Variants in THAP9 observed in about 807,000 individuals in gnomAD.
THAP9 encodes the protein THAP domain containing 9, also known as DNA transposase THAP9.
Under a neutral mutation model 35.7 loss-of-function variants are expected in THAP9, and 20 were observed. The ratio of observed to expected loss-of-function variants is 0.56; its 90% CI spans 0.39 to 0.81. THAP9 has a LOEUF of 0.81. THAP9 is among the 40% of genes least tolerant of loss of function. The pLI is 0.00. For missense variants in THAP9, 870 were observed against 1,047.4 expected, an observed-to-expected ratio of 0.83 and a Z score of 2.34; for synonymous variants, 335 against 373.7, an observed-to-expected ratio of 0.90 and a Z score of 1.19.
rs1202305486 is a variant in THAP9, at chr4:82,917,357, T to C, written c.1145T>C (p.Met382Thr). 1 of 1,613,466 alleles carries C rather than the reference T, an allele frequency of 6.2e-7. No homozygotes were observed. Among genetic ancestry groups the C allele is most frequent in the East Asian group, 2.2e-5 (1 of 44,868 alleles). The stretch of plus-strand genomic sequence containing the variant: ...GATGCCACAGCACATAGTGTTCAGA[T>C]GGCAAAAGCATTGGGGATACATATT... ...TSDATAHSVQMAKALGIHIDG... is the reference protein window; with the variant it reads ...TSDATAHSVQTAKALGIHIDG... The change falls in exon 5 of 5, where the codon ATG becomes ACG. Residue 382 changes from methionine to threonine, a missense_variant. Physicochemically the swap from Met to Thr is moderately conservative, Grantham distance 81. Around this residue, in one of 3 missense-constraint regions of THAP9, gnomAD observed 440 missense variants for 501.2 expected, o/e 0.88. Transcript: ENST00000302236.
chr4:82,905,401 C>T (rs1415437773), intron 2 of THAP9, among the ~76,000 whole-genome samples: 1 of 152,128 alleles, frequency 6.6e-6, no homozygotes, highest in African/African-American at 2.4e-5. Flanking sequence ...TGATATTCTT[C>T]TGTTTCCTAT....
Position 82,917,170 on chromosome 4 carries a change from G to A in THAP9, c.958G>A (p.Glu320Lys). 1 of 1,613,822 alleles carries A rather than the reference G, an allele frequency of 6.2e-7. No individual in the cohort carries two copies. Among genetic ancestry groups the A allele is most frequent in the South Asian group, 1.1e-5 (1 of 91,042 alleles). ...LDADETPLAS[E>K]TVLLMAVGIF... is the part of the protein sequence containing the mutation. Reference sequence around the variant, plus strand: ...TGCTGATGAAACGCCACTTGCTTCAGAAACTGTTTTGTTAATGGCAGTGGG... The same window carrying A: ...TGCTGATGAAACGCCACTTGCTTCAAAAACTGTTTTGTTAATGGCAGTGGG... Residue 320 changes from glutamate to lysine, a missense_variant, in exon 5 of 5, where the codon GAA becomes AAA. This residue lies in a region of THAP9 where 440 missense variants were observed against 501.2 expected (regional missense o/e 0.88). Transcript: ENST00000302236.
intron 2 of THAP9, chr4:82,905,838 G>GTTT (rs1168714330): frequency 2.2e-6 from 1 of 455,648 alleles, no homozygotes; most frequent in Non-Finnish European, 4.4e-6. Flanking sequence ...AAAGAATCCT[G>GTTT]TATTATTATC....
rs1456147469 is a variant in THAP9, at chr4:82,919,087, CTT to C, written c.*166_*167del. 1 of 595,988 alleles carries C rather than the reference CTT, an allele frequency of 1.7e-6. No homozygotes were observed. Among genetic ancestry groups the C allele is most frequent in the Non-Finnish European group, 2.8e-6 (1 of 359,468 alleles). 36.9% of individuals were successfully genotyped at this position (595,988 alleles called of 1,614,324 possible). On this transcript the variant is annotated 3_prime_UTR_variant, in exon 5 of 5. Coordinates refer to ENST00000302236, the MANE Select transcript of THAP9 (RefSeq NM_024672.6). ...CTGCATATCACAAAATCTCCTTATA[CTT>C]TTGGTATGGCTTGCAGCATTTATGA... is the stretch of plus-strand genomic sequence containing the variant.
chr4:82,905,020 G>A, intron 2 of THAP9, 89 bp downstream of exon 2: 6 of 1,311,044 alleles, frequency 4.6e-6, no homozygotes, highest in African/African-American at 1.5e-5. Flanking sequence ...AGAATTTGCA[G>A]ACAAAAAAAC....
chr4:82,917,554 G>C lies in THAP9; in HGVS notation c.1342G>C (p.Val448Leu), dbSNP rs915743856. The C allele has an allele frequency of 1.1e-5, 17 of 1,613,992 alleles. No homozygotes were observed. The highest frequency in any genetic ancestry group is 1.4e-5 in the Non-Finnish European group (17 of 1,179,906). The change falls in exon 5 of 5, where the codon GTA becomes CTA. Residue 448 changes from valine to leucine, a missense_variant. This residue lies in a region of THAP9 where 16 missense variants were observed against 45.5 expected (regional missense o/e 0.35). Coordinates refer to ENST00000302236, the MANE Select transcript of THAP9 (RefSeq NM_024672.6). ...IAHWQHLVEL[V>L]ALEEQELSNM... ...ACATTGGCAGCACCTCGTGGAGTTA[G>C]TAGCACTGGAGGAACAGGAATTATC...
intron 3 of THAP9, 147 bp from the exon 4 acceptor site, chr4:82,907,638 A>C (rs1172523277): frequency 4.9e-6 from 3 of 614,494 alleles, no homozygotes; most frequent in Middle Eastern, 4.3e-4. Flanking sequence ...TCCTAAGTGG[A>C]TATTAACCTC....
At chr4:82,908,299 T>G (rs1720734967) in intron 4 of THAP9, among the ~76,000 whole-genome samples, 2 of 152,190 alleles carry the variant, frequency 1.3e-5, no homozygotes, top group South Asian at 4.1e-4. Context: ...CTAGTATACT[T>G]CAGTAGTTTA....
Position 82,917,174 on chromosome 4 carries a change from CTGTT to C in THAP9, c.964_967del (p.Val322CysfsTer2), listed in dbSNP as rs1560698848. The C allele has an allele frequency of 6.2e-7, 1 of 1,613,856 alleles. No homozygotes were observed. The highest frequency in any genetic ancestry group is 1.1e-5 in the South Asian group (1 of 91,044). ...GATGAAACGCCACTTGCTTCAGAAA[CTGTT>C]TTGTTAATGGCAGTGGGTATTTTTG... On this transcript the variant is annotated frameshift_variant, in exon 5 of 5. Transcript: ENST00000302236. LOFTEE classifies it low-confidence loss of function (END_TRUNC).
At position 82,919,536 on chromosome 4, in the gene THAP9, C is replaced by T. The variant is rs979147047; in HGVS notation, c.*612C>T. 5.9e-5 allele frequency: 9 copies of T among 152,240 alleles called. No individual in the cohort carries two copies. Among genetic ancestry groups the T allele is most frequent in the African/African-American group, 1.7e-4 (7 of 41,426 alleles). 9.4% of individuals were successfully genotyped at this position (152,240 alleles called of 1,614,324 possible). On this transcript the variant is annotated 3_prime_UTR_variant, in exon 5 of 5. Coordinates refer to ENST00000302236, the MANE Select transcript of THAP9 (RefSeq NM_024672.6). ...CATGAGATTCTTCCTTGTGCTGCAG[C>T]CACGCTGGGGAGTGCAATCTGGAAA...
chr4:82,903,867 A>C (rs1247687687), intron 1 of THAP9, among the ~76,000 whole-genome samples: 1 of 152,138 alleles, frequency 6.6e-6, no homozygotes, highest in Admixed American at 6.5e-5. Context: ...AGTTTTCTCC[A>C]CAGGACTGCT....
At chr4:82,916,191 C>G (rs113304884) in intron 4 of THAP9, among the ~76,000 whole-genome samples, 1 of 152,164 alleles carries the variant, frequency 6.6e-6, no homozygotes, top group Non-Finnish European at 1.5e-5. Flanking sequence ...TAGTTTTAGA[C>G]AGTTATTAAA....
At chr4:82,906,757 G>A in intron 3 of THAP9, 130 bp downstream of exon 3, 1 of 874,170 alleles carries the variant, frequency 1.1e-6, no homozygotes, top group Non-Finnish European at 1.6e-6. Flanking sequence ...AGTAGCTTAA[G>A]AAGAATGAAA....
intron 1 of THAP9, among the ~76,000 whole-genome samples, chr4:82,904,313 C>T (rs1720553741): frequency 6.6e-6 from 1 of 152,214 alleles, no homozygotes; most frequent in Admixed American, 6.5e-5. Context: ...CCTCCCGCCT[C>T]AGCCTCCCAA....
Position 82,915,732 on chromosome 4 carries a change from TATATACAAGTC to T in THAP9, c.732-1211_732-1201del, listed in dbSNP as rs200269062. Among the ~76,000 whole-genome samples, 13 of 152,318 alleles carry T rather than the reference TATATACAAGTC, an allele frequency of 8.5e-5. No homozygotes were observed. In the East Asian group the frequency reaches 2.5e-3, roughly 29 times the overall value. ...TTGTGCCAGTATACCAAAATCCATG[TATATACAAGTC>T]CTGTAGACAGTCCTGCAGAACCTGT... On this transcript the variant is annotated intron_variant, in intron 4 of 4. Transcript: ENST00000302236.
rs1175386607 is a variant in THAP9, at chr4:82,918,791, C to T, written c.2579C>T (p.Ser860Leu). Residue 860 changes from serine to leucine, a missense_variant, in exon 5 of 5, where the codon TCA (serine) becomes TTA (leucine). Ser to Leu is a moderately radical substitution (Grantham distance 145). Around this residue, in one of 3 missense-constraint regions of THAP9, gnomAD observed 414 missense variants for 500.8 expected, o/e 0.83. Coordinates refer to ENST00000302236, the MANE Select transcript of THAP9 (RefSeq NM_024672.6). ...GCACAGAATCCTTTAAAACATCATT[C>T]AGAGAGAACTGATATGAAAACTTTA... ...NVAQNPLKHH[S>L]ERTDMKTLSR... 1.2e-6 allele frequency: 2 copies of T among 1,613,604 alleles called. No homozygotes were observed. The highest frequency in any genetic ancestry group is 2.7e-5 in the African/African-American group (2 of 74,876).
Position 82,918,869 on chromosome 4 carries a change from A to G in THAP9, c.2657A>G (p.Asn886Ser). The change falls in exon 5 of 5, where the codon AAT (asparagine) becomes AGT (serine). Residue 886 changes from asparagine to serine, a missense_variant. Coordinates refer to ENST00000302236, the MANE Select transcript of THAP9 (RefSeq NM_024672.6). ...VQDYKCSSFA[N>S]TSSKFRHLLS... ...GATTATAAATGTTCAAGTTTTGCTA[A>G]TACCAGTAGTAAATTCAGGCATTTG... 1.2e-6 allele frequency: 2 copies of G among 1,611,686 alleles called. No individual in the cohort carries two copies. The highest frequency in any genetic ancestry group is 1.7e-6 in the Non-Finnish European group (2 of 1,178,930).
intron 1 of THAP9, among the ~76,000 whole-genome samples, chr4:82,902,585 G>A (rs1365191813): frequency 6.6e-6 from 1 of 152,138 alleles, no homozygotes; most frequent in Non-Finnish European, 1.5e-5. Flanking sequence ...GCCAACTTTT[G>A]AGGGTTCCTT....
Position 82,907,858 on chromosome 4 carries a change from A to C in THAP9, c.654A>C (p.Thr218=), listed in dbSNP as rs11731186. The stretch of plus-strand genomic sequence containing the variant: ...CAGAAATGAAACAATTTGCATGTAC[A>C]CTCTACTTGTGCAGTAGCAAAGTCT... ...YSAEMKQFAC[T]LYLCSSKVYD... The change falls in exon 4 of 5, where the codon ACA becomes ACC. Residue 218 remains threonine, a synonymous_variant. Transcript: ENST00000302236. 3.7e-6 allele frequency: 6 copies of C among 1,611,232 alleles called. No homozygotes were observed. The highest frequency in any genetic ancestry group is 1.7e-5 in the Admixed American group (1 of 59,740).
Sources: gnomAD v4.1 joint callset for allele counts (sites outside exome capture counted in the v4.1 genomes callset) on GRCh38, gnomAD v4.1.1 for gene constraint, gnomAD v4.1.1 regional missense constraint, MANE v1.5 for transcripts, NCBI Gene and HGNC (gene_info 2026-07-23, HGNC 2026-07-21) for gene names.